DGLUCY: variants seen among roughly 807,000 people sequenced by gnomAD.
The protein encoded by DGLUCY is D-glutamate cyclase, also known as D-glutamate cyclase, mitochondrial.
DGLUCY carries 58 observed loss-of-function variants against 58.5 expected under a neutral mutation model. The ratio of observed to expected loss-of-function variants is 0.99; its 90% CI spans 0.80 to 1.23. The LOEUF (loss-of-function observed/expected upper bound fraction) is 1.23. Ranked by LOEUF, DGLUCY falls within the 50% of genes most tolerant of loss-of-function variation. The pLI, the probability that DGLUCY is intolerant of heterozygous loss-of-function variation, is 0.00. For missense variants in DGLUCY, 779 were observed against 784.7 expected (o/e 0.99, Z 0.09); for synonymous variants, 325 against 314.1 (o/e 1.03, Z -0.37).
intron 1 of DGLUCY, among the ~76,000 whole-genome samples, chr14:91,079,183 C>T (rs1005827280): frequency 6.6e-6 from 1 of 152,000 alleles, no homozygotes; most frequent in African/African-American, 2.4e-5. Flanking sequence ...GGATTACAGG[C>T]ACAAGCCACC....
chr14:91,108,369 T>G (rs1388300532), intron 1 of DGLUCY, among the ~76,000 whole-genome samples: 1 of 152,022 alleles, frequency 6.6e-6, no homozygotes, highest in Admixed American at 6.6e-5. Flanking sequence ...TGCACTAGTT[T>G]CACCCTAGTT....
chr14:91,195,676 T>G (rs1331757128), intron 9 of DGLUCY, among the ~76,000 whole-genome samples: 1 of 148,514 alleles, frequency 6.7e-6, no homozygotes, highest in African/African-American at 2.5e-5. Context: ...TTTTGTTTTT[T>G]TTTTTTTTTT....
intron 6 of DGLUCY, among the ~76,000 whole-genome samples, chr14:91,174,723 G>T (rs945230998): frequency 6.6e-5 from 10 of 152,312 alleles, no homozygotes; most frequent in African/African-American, 1.9e-4. Flanking sequence ...CCCAAAGAGG[G>T]TTAATCAAAC....
intron 12 of DGLUCY, among the ~76,000 whole-genome samples, chr14:91,209,087 G>A (rs1174038753): frequency 6.6e-6 from 1 of 152,050 alleles, no homozygotes; most frequent in African/African-American, 2.4e-5. Context: ...GCCGAGGTGG[G>A]TGGATCACCT....
At chr14:91,068,116 C>CA (rs1412145555) in intron 1 of DGLUCY, among the ~76,000 whole-genome samples, 4 of 150,712 alleles carry the variant, frequency 2.7e-5, no homozygotes, top group Non-Finnish European at 4.4e-5. Context: ...CACACACACA[C>CA]CCCTTGCATT....
chr14:91,080,130 AT>A (rs1174114760), intron 1 of DGLUCY, among the ~76,000 whole-genome samples: 4 of 151,994 alleles, frequency 2.6e-5, no homozygotes, highest in Admixed American at 2.0e-4. Flanking sequence ...CATATATCAA[AT>A]TTTCATTCCT....
At chr14:91,105,451 C>A (rs1233489064), upstream of DGLUCY, among the ~76,000 whole-genome samples, 1 of 152,112 alleles carries the variant, frequency 6.6e-6, no homozygotes, top group African/African-American at 2.4e-5. Flanking sequence ...AAGAACAAAC[C>A]ACTAGCTGAC....
Position 91,224,611 on chromosome 14 carries a change from T to TA in DGLUCY, c.1717-72dup, listed in dbSNP as rs1296970653. 4 of 1,432,832 alleles carry TA rather than the reference T, an allele frequency of 2.8e-6. No individual in the cohort carries two copies. In the African/African-American group the frequency reaches 5.7e-5, roughly 20 times the overall value. The allele number at this position is 1,432,832 out of a possible 1,614,324, so 88.8% of individuals were successfully genotyped here. A position where few individuals can be genotyped will look rare whatever the true frequency, so the allele number is the denominator to read the frequency against. ...GTCAAGGCAAAGGATCCTTCTCACTTATAAATGTGTATAAAAGAAATTTCT... is the reference window on the plus strand; with the variant it reads ...GTCAAGGCAAAGGATCCTTCTCACTTAATAAATGTGTATAAAAGAAATTTCT... On this transcript the variant is annotated intron_variant, in intron 13 of 13. Transcript: ENST00000256324.
upstream of DGLUCY, among the ~76,000 whole-genome samples, chr14:91,111,287 TA>T (rs1315437122): frequency 2.5e-3 from 110 of 43,446 alleles, 5 homozygotes; most frequent in African/African-American, 5.1e-3. Flanking sequence ...TATATATATA[TA>T]TATTTTTTTT....
At chr14:91,132,628 G>A (rs1208299816) in intron 1 of DGLUCY, among the ~76,000 whole-genome samples, 3 of 151,976 alleles carry the variant, frequency 2.0e-5, no homozygotes, top group East Asian at 1.9e-4. Flanking sequence ...ACAGGCGCCC[G>A]CCACTGCGCC....
intron 1 of DGLUCY, among the ~76,000 whole-genome samples, chr14:91,069,944 C>A (rs1210942812): frequency 6.6e-6 from 1 of 151,120 alleles, no homozygotes; most frequent in Non-Finnish European, 1.5e-5. Context: ...CCACACCCAG[C>A]TAATTTTTGA....
chr14:91,192,420 G>A (rs1424493164), intron 9 of DGLUCY, among the ~76,000 whole-genome samples: 1 of 152,076 alleles, frequency 6.6e-6, no homozygotes, highest in Non-Finnish European at 1.5e-5. Flanking sequence ...ATGAATGGGG[G>A]TGATGGTTGC....
intron 1 of DGLUCY, among the ~76,000 whole-genome samples, chr14:91,150,221 A>T (rs1467153565): frequency 6.9e-6 from 1 of 144,784 alleles, no homozygotes; most frequent in African/African-American, 2.6e-5. Context: ...TCCATCTCAA[A>T]AAAAAAAAAA....
intron 5 of DGLUCY, among the ~76,000 whole-genome samples, chr14:91,171,192 A>G (rs1355169480): frequency 6.6e-6 from 1 of 152,178 alleles, no homozygotes; most frequent in Non-Finnish European, 1.5e-5. Flanking sequence ...ACCGAGGTCT[A>G]AAGAGAGAAA....
chr14:91,080,939 C>T lies in DGLUCY; in HGVS notation c.-82+20235C>T, dbSNP rs150284293. 7.5e-3 allele frequency among the ~76,000 whole-genome samples: 1,145 copies of T among 152,300 alleles called. 10 individuals are homozygous for T. The highest frequency in any genetic ancestry group is 0.027 in the Middle Eastern group (8 of 292). On this transcript the variant is annotated intron_variant, in intron 1 of 4. Transcript: ENST00000521334. ...CATGTATTGGCCGGGCACGGTGGCT[C>T]ACACCTGTAATCCCAGCACTTTGGG...
intron 1 of DGLUCY, among the ~76,000 whole-genome samples, chr14:91,140,892 C>G (rs2046628115): frequency 6.6e-6 from 1 of 152,136 alleles, no homozygotes; most frequent in Non-Finnish European, 1.5e-5. Context: ...CCTCTCCTGG[C>G]TGGTCTATTG....
At chr14:91,168,741 G>A (rs2048413413) in intron 4 of DGLUCY, among the ~76,000 whole-genome samples, 1 of 152,218 alleles carries the variant, frequency 6.6e-6, no homozygotes, top group Non-Finnish European at 1.5e-5. Context: ...TGTATTGCCA[G>A]TATGTGTTTT....
At chr14:91,129,209 A>C (rs143733001) in intron 1 of DGLUCY, among the ~76,000 whole-genome samples, 2 of 152,288 alleles carry the variant, frequency 1.3e-5, no homozygotes, top group East Asian at 3.9e-4. Flanking sequence ...CAACTTAAAG[A>C]ATAGTAAACA....
upstream of DGLUCY, among the ~76,000 whole-genome samples, chr14:91,107,232 C>A (rs1187125626): frequency 6.6e-6 from 1 of 152,116 alleles, no homozygotes; most frequent in Non-Finnish European, 1.5e-5. Flanking sequence ...AAAAACCCTT[C>A]ATTTCGCTAG....
Sources: allele counts gnomAD v4.1 joint callset (sites outside exome capture counted in the v4.1 genomes callset), GRCh38; gene constraint gnomAD v4.1.1; transcripts MANE v1.5; gene names NCBI Gene and HGNC (gene_info 2026-07-23, HGNC 2026-07-21).